Variants in LOC127898562 observed in about 807,000 individuals in gnomAD.
At chr13:77,326,936 C>G in the LOC127898562 span, 1 of 580,796 alleles carries the variant, frequency 1.7e-6, no homozygotes, top group East Asian at 3.5e-5. This position sits in a 1 kb window ranked among gnomAD's most constrained non-coding sequence, Gnocchi z 4.2. Context: ...TCTCCTCCTC[C>G]TTCTTCTCCT....
At chr13:77,326,912 G>A in the LOC127898562 span, 1 of 746,522 alleles carries the variant, frequency 1.3e-6, no homozygotes, top group Non-Finnish European at 1.9e-6. This position sits in a 1 kb window ranked among gnomAD's most constrained non-coding sequence, Gnocchi z 4.2. Context: ...AGACTACAAA[G>A]ACAGCGACCT....
the LOC127898562 span, chr13:77,326,954 C>A: frequency 1.3e-5 from 7 of 524,126 alleles, no homozygotes; most frequent in South Asian, 1.1e-4. The surrounding 1 kb of genome is among the most constrained non-coding windows in gnomAD (Gnocchi z 4.2). Context: ...CCTCCTCCCC[C>A]CCGCGCCGCC....
the LOC127898562 span, chr13:77,326,955 C>A: frequency 5.7e-6 from 3 of 526,870 alleles, no homozygotes; most frequent in East Asian, 3.5e-5. The surrounding 1 kb of genome is among the most constrained non-coding windows in gnomAD (Gnocchi z 4.2). Context: ...CTCCTCCCCC[C>A]CGCGCCGCCC....
the LOC127898562 span, chr13:77,326,906 T>A: frequency 1.2e-6 from 1 of 831,774 alleles, no homozygotes; most frequent in Non-Finnish European, 1.7e-6. The surrounding 1 kb of genome is among the most constrained non-coding windows in gnomAD (Gnocchi z 4.2). Flanking sequence ...GCAGGGAGAC[T>A]ACAAAGACAG....
At chr13:77,326,929 CCTCCTCCTTCTT>C in the LOC127898562 span, 23 of 621,584 alleles carry the variant, frequency 3.7e-5, 1 homozygote, top group Non-Finnish European at 5.0e-5. The surrounding 1 kb of genome is among the most constrained non-coding windows in gnomAD (Gnocchi z 4.2). Context: ...ACCTCCTTCT[CCTCCTCCTTCTT>C]CTCCTCCTCC....
At chr13:77,326,987 A>G in the LOC127898562 span, 2 of 459,950 alleles carry the variant, frequency 4.3e-6, no homozygotes, top group South Asian at 1.2e-4. The surrounding 1 kb of genome is among the most constrained non-coding windows in gnomAD (Gnocchi z 4.2). Context: ...GGGGCCGCTC[A>G]TCTAACCCCG....
chr13:77,326,976 T>C, the LOC127898562 span: 15 of 487,858 alleles, frequency 3.1e-5, no homozygotes, highest in East Asian at 5.3e-4. The surrounding 1 kb of genome is among the most constrained non-coding windows in gnomAD (Gnocchi z 4.2). Context: ...TCGCCGCTAC[T>C]GGGGCCGCTC....
At chr13:77,326,906 T>C in the LOC127898562 span, 1 of 831,782 alleles carries the variant, frequency 1.2e-6, no homozygotes, top group East Asian at 3.3e-5. This position sits in a 1 kb window ranked among gnomAD's most constrained non-coding sequence, Gnocchi z 4.2. Flanking sequence ...GCAGGGAGAC[T>C]ACAAAGACAG....
chr13:77,326,977 G>A, the LOC127898562 span: 1 of 488,668 alleles, frequency 2.0e-6, no homozygotes, highest in East Asian at 3.5e-5. This position sits in a 1 kb window ranked among gnomAD's most constrained non-coding sequence, Gnocchi z 4.2. Flanking sequence ...CGCCGCTACT[G>A]GGGCCGCTCA....
At chr13:77,326,926 TCTC>T in the LOC127898562 span, 591 of 638,578 alleles carry the variant, frequency 9.3e-4, 2 homozygotes, top group Middle Eastern at 6.8e-3. This position sits in a 1 kb window ranked among gnomAD's most constrained non-coding sequence, Gnocchi z 4.2. Context: ...GCGACCTCCT[TCTC>T]CTCCTCCTTC....
chr13:77,326,958 C>T, the LOC127898562 span: 5 of 508,906 alleles, frequency 9.8e-6, no homozygotes, highest in South Asian at 1.2e-4. This position sits in a 1 kb window ranked among gnomAD's most constrained non-coding sequence, Gnocchi z 4.2. Context: ...CTCCCCCCCG[C>T]GCCGCCCTCG....
At chr13:77,326,988 T>C in the LOC127898562 span, 1 of 458,890 alleles carries the variant, frequency 2.2e-6, no homozygotes, top group Non-Finnish European at 3.7e-6. This position sits in a 1 kb window ranked among gnomAD's most constrained non-coding sequence, Gnocchi z 4.2. Context: ...GGGCCGCTCA[T>C]CTAACCCCGC....
chr13:77,326,918 G>GCT, the LOC127898562 span: 1 of 708,832 alleles, frequency 1.4e-6, no homozygotes, highest in Non-Finnish European at 2.0e-6. The surrounding 1 kb of genome is among the most constrained non-coding windows in gnomAD (Gnocchi z 4.2). Context: ...CAAAGACAGC[G>GCT]ACCTCCTTCT....
chr13:77,326,957 G>GCGCCGCCCT, the LOC127898562 span: 1 of 523,308 alleles, frequency 1.9e-6, no homozygotes, highest in South Asian at 5.9e-5. The surrounding 1 kb of genome is among the most constrained non-coding windows in gnomAD (Gnocchi z 4.2). Context: ...CCTCCCCCCC[G>GCGCCGCCCT]CGCCGCCCTC....
the LOC127898562 span, chr13:77,326,959 G>T: frequency 2.0e-6 from 1 of 510,100 alleles, no homozygotes; most frequent in Non-Finnish European, 3.1e-6. This position sits in a 1 kb window ranked among gnomAD's most constrained non-coding sequence, Gnocchi z 4.2. Context: ...TCCCCCCCGC[G>T]CCGCCCTCGC....
At chr13:77,326,959 G>A in the LOC127898562 span, 1 of 510,100 alleles carries the variant, frequency 2.0e-6, no homozygotes, top group Non-Finnish European at 3.1e-6. The surrounding 1 kb of genome is among the most constrained non-coding windows in gnomAD (Gnocchi z 4.2). Flanking sequence ...TCCCCCCCGC[G>A]CCGCCCTCGC....
At chr13:77,326,945 C>T in the LOC127898562 span, 1 of 547,808 alleles carries the variant, frequency 1.8e-6, no homozygotes, top group Non-Finnish European at 2.8e-6. This position sits in a 1 kb window ranked among gnomAD's most constrained non-coding sequence, Gnocchi z 4.2. Flanking sequence ...CCTTCTTCTC[C>T]TCCTCCCCCC....
At chr13:77,326,923 CCTTCTCCTCCTCCTT>C in the LOC127898562 span, 3 of 651,066 alleles carry the variant, frequency 4.6e-6, no homozygotes, top group East Asian at 3.4e-5. The surrounding 1 kb of genome is among the most constrained non-coding windows in gnomAD (Gnocchi z 4.2). Context: ...ACAGCGACCT[CCTTCTCCTCCTCCTT>C]CTTCTCCTCC....
the LOC127898562 span, chr13:77,326,963 C>T: frequency 1.9e-6 from 1 of 516,472 alleles, no homozygotes; most frequent in Non-Finnish European, 3.1e-6. This position sits in a 1 kb window ranked among gnomAD's most constrained non-coding sequence, Gnocchi z 4.2. Flanking sequence ...CCCCGCGCCG[C>T]CCTCGCCGCT....
Sources: allele counts gnomAD v4.1 joint callset, GRCh38; gene constraint gnomAD v4.1.1; non-coding constraint Gnocchi (gnomAD v3.1); transcripts MANE v1.5.